The following ANKRD2 variants were observed in gnomAD, a reference collection of about 807,000 sequenced individuals.
ANKRD2 encodes ankyrin repeat domain-containing protein 2.
In ANKRD2, 35 loss-of-function variants were observed where a neutral mutation model predicts 37.3. That is an observed-to-expected ratio of 0.94 (90% CI 0.72 to 1.24). The LOEUF (loss-of-function observed/expected upper bound fraction) is 1.24. ANKRD2 is among the 50% of genes most tolerant of loss of function. ANKRD2 has a pLI of 0.00. For missense variants in ANKRD2, 410 were observed against 445.6 expected (o/e 0.92, Z 0.72); for synonymous variants, 159 against 186.5 (o/e 0.85, Z 1.20).
upstream of ANKRD2, chr10:97,572,594 G>A: frequency 7.5e-7 from 1 of 1,331,632 alleles, no homozygotes. Flanking sequence ...TAGGCCAGGA[G>A]TTGGGGGGGC....
At position 97,580,848 on chromosome 10, in the gene ANKRD2, G is replaced by A. The variant is rs374024705; in HGVS notation, c.457-7G>A. On this transcript the variant is annotated splice_region_variant and splice_polypyrimidine_tract_variant and intron_variant, in intron 4 of 8. Coordinates refer to ENST00000370655, the MANE Select transcript of ANKRD2 (RefSeq NM_001346793.2). ...AGGCCAGGCCCTGACAGCCTCTCTG[G>A]GGACAGTTCCGTCGGACAGCACTGC... 1 of 1,607,950 alleles carries A rather than the reference G, an allele frequency of 6.2e-7. No homozygotes were observed. Among genetic ancestry groups the A allele is most frequent in the Non-Finnish European group, 8.5e-7 (1 of 1,177,318 alleles).
chr10:97,580,938 G>A lies in ANKRD2; in HGVS notation c.540G>A (p.Val180=). 1.3e-6 allele frequency: 2 copies of A among 1,595,402 alleles called. No homozygotes were observed. The highest frequency in any genetic ancestry group is 1.7e-6 in the Non-Finnish European group (2 of 1,171,072). Residue 180 remains valine (V), a synonymous_variant, in exon 5 of 9, where the codon GTG becomes GTA. Transcript: ENST00000370655. The part of the protein sequence containing the change: ...LEKLLDNGAT[V]DFQDRLDCTA... ...AGCTTCTAGATAATGGGGCCACTGTGGACTTCCAGGATCGGGTGAGTGAGA... is the reference window on the plus strand; with the variant it reads ...AGCTTCTAGATAATGGGGCCACTGTAGACTTCCAGGATCGGGTGAGTGAGA...
chr10:97,581,534 G>A, intron 6 of ANKRD2, 120 bp downstream of exon 6: 1 of 998,754 alleles, frequency 1.0e-6, no homozygotes, highest in Middle Eastern at 3.0e-4. Context: ...GTTTCTGGCT[G>A]CAGAGCAGGG....
At chr10:97,577,707 G>A (rs2040841833) in intron 1 of ANKRD2, 93 bp from the exon 2 acceptor site, 3 of 1,037,182 alleles carry the variant, frequency 2.9e-6, no homozygotes, top group African/African-American at 1.6e-5. Flanking sequence ...GACCACCCAG[G>A]AGGATGTCTC....
chr10:97,578,811 A>G (rs2040862220), intron 4 of ANKRD2, among the ~76,000 whole-genome samples: 1 of 152,172 alleles, frequency 6.6e-6, no homozygotes, highest in Non-Finnish European at 1.5e-5. Context: ...AACTTGAATC[A>G]CCTGCAGAGC....
chr10:97,577,778 G>A (rs749082029), intron 1 of ANKRD2, 22 bp from the exon 2 acceptor site: 4 of 1,539,788 alleles, frequency 2.6e-6, no homozygotes, highest in South Asian at 2.4e-5. Flanking sequence ...TCCTGGAGAA[G>A]GTGCCCTCTT....
In ANKRD2 at chr10:97,577,888, T is replaced by C; in HGVS notation, c.176T>C (p.Leu59Pro). The C allele has an allele frequency of 6.4e-7, 1 of 1,563,808 alleles. No individual in the cohort carries two copies. Among genetic ancestry groups the C allele is most frequent in the African/African-American group, 1.3e-5 (1 of 74,294 alleles). The change falls in exon 2 of 9, where the codon CTG becomes CCG. Residue 59 changes from leucine (L) to proline (P), a missense_variant. Leu to Pro is a moderately conservative substitution (Grantham distance 98, BLOSUM62 -3). Transcript: ENST00000370655. ...CACCACGGGGCTCAGAGTGCAGCCCTGCAGAAGGTGAAGGTAAGCCTGGGA... is the reference window on the plus strand; with the variant it reads ...CACCACGGGGCTCAGAGTGCAGCCCCGCAGAAGGTGAAGGTAAGCCTGGGA... ...EKHHGAQSAA[L>P]QKVKGQERVR...
intron 2 of ANKRD2, 64 bp from the exon 3 acceptor site, chr10:97,578,175 AG>A: frequency 8.3e-7 from 1 of 1,206,640 alleles, no homozygotes; most frequent in Middle Eastern, 2.7e-4. Flanking sequence ...AGCTTAGCTC[AG>A]AGGTCTCCCA....
At chr10:97,577,429 G>A (rs1478178603) in intron 1 of ANKRD2, among the ~76,000 whole-genome samples, 2 of 152,134 alleles carry the variant, frequency 1.3e-5, no homozygotes, top group African/African-American at 4.8e-5. Flanking sequence ...ACCACACCCA[G>A]CCAAAGTGAA....
chr10:97,583,263 G>A (rs1411416248), intron 8 of ANKRD2, among the ~76,000 whole-genome samples: 1 of 152,154 alleles, frequency 6.6e-6, no homozygotes, highest in African/African-American at 2.4e-5. Flanking sequence ...AGAAAAGCAG[G>A]AAAATATGGA....
chr10:97,572,868 A>C lies in ANKRD2; in HGVS notation c.80A>C (p.Glu27Ala), dbSNP rs1181887366. The C allele has an allele frequency of 1.3e-6, 2 of 1,552,372 alleles. No homozygotes were observed. The highest frequency in any genetic ancestry group is 2.7e-5 in the African/African-American group (2 of 73,188). Reference protein sequence around the residue: ...LIEQRLAQEEENEKLRGDARQ... With the variant: ...LIEQRLAQEEANEKLRGDARQ... ...GAGCAGCGGCTGGCACAGGAGGAGGAGAATGAGGTGCGAGCAGGGGTGGAG... is the reference window on the plus strand; with the variant it reads ...GAGCAGCGGCTGGCACAGGAGGAGGCGAATGAGGTGCGAGCAGGGGTGGAG... Residue 27 changes from glutamate to alanine, a missense_variant, in exon 1 of 9, where the codon GAG becomes GCG. Transcript: ENST00000370655.
chr10:97,574,745 G>A (rs2040802749), intron 1 of ANKRD2, among the ~76,000 whole-genome samples: 1 of 152,202 alleles, frequency 6.6e-6, no homozygotes, highest in South Asian at 2.1e-4. Context: ...AAGAAGGGAT[G>A]AGGTCAGGAA....
Position 97,572,827 on chromosome 10 carries a change from G to A in ANKRD2, c.39G>A (p.Arg13=). 2 of 1,565,634 alleles carry A rather than the reference G, an allele frequency of 1.3e-6. No homozygotes were observed. Among genetic ancestry groups the A allele is most frequent in the Non-Finnish European group, 1.7e-6 (2 of 1,155,354 alleles). ...TGGAGGACTCCGAGGCGGTGCAGAG[G>A]GCCACAGCGCTCATCGAGCAGCGGC... is the stretch of plus-strand genomic sequence containing the variant. ...GTMEDSEAVQ[R]ATALIEQRLA... is the part of the protein sequence containing the mutation. The change falls in exon 1 of 9, where the codon AGG becomes AGA. Residue 13 remains arginine, a synonymous_variant. Transcript: ENST00000370655.
chr10:97,572,846 C>T lies in ANKRD2; in HGVS notation c.58C>T (p.Gln20Ter), dbSNP rs909361465. 2.6e-6 allele frequency: 4 copies of T among 1,556,280 alleles called. No homozygotes were observed. The African/African-American group carries it at 5.4e-5, about 21-fold the overall frequency. Residue 20 changes from glutamine (Q) to a stop codon, truncating the protein, a stop_gained, in exon 1 of 9, where the codon CAG becomes TAG. Coordinates refer to ENST00000370655, the MANE Select transcript of ANKRD2 (RefSeq NM_001346793.2). LOFTEE classifies it high-confidence loss of function. ...AVQRATALIE[Q>*]RLAQEEENEK... ...GCAGAGGGCCACAGCGCTCATCGAG[C>T]AGCGGCTGGCACAGGAGGAGGAGAA...
intron 2 of ANKRD2, 95 bp from the exon 3 acceptor site, chr10:97,578,145 C>CG: frequency 2.7e-6 from 1 of 376,492 alleles, no homozygotes; most frequent in Non-Finnish European, 5.2e-6. Flanking sequence ...GGTCTTCCTG[C>CG]CCACCCCACC....
rs766215455 is a variant in ANKRD2, at chr10:97,581,321, C to A, written c.561C>A (p.Asp187Glu). ...ACCCCCTCATTTCTTTCTAGCTGGA[C>A]TGCACAGCCATGCATTGGGCCTGCC... is the stretch of plus-strand genomic sequence containing the variant. ...GATVDFQDRL[D>E]CTAMHWACRG... The change falls in exon 6 of 9, where the codon GAC becomes GAA. Residue 187 changes from aspartate to glutamate, a missense_variant. Asp to Glu is a conservative substitution (Grantham distance 45). Transcript: ENST00000370655. 8.1e-6 allele frequency: 13 copies of A among 1,613,980 alleles called. No homozygotes were observed. Among genetic ancestry groups the A allele is most frequent in the Non-Finnish European group, 9.3e-6 (11 of 1,179,902 alleles).
At chr10:97,582,272 T>C (rs747686350) in intron 6 of ANKRD2, 43 bp from the exon 7 acceptor site, 59 of 1,514,414 alleles carry the variant, frequency 3.9e-5, no homozygotes, top group Non-Finnish European at 4.8e-5. Context: ...GGTACCACAG[T>C]TCAGGCCCCG....
chr10:97,572,986 C>T (rs2135696055), intron 1 of ANKRD2, 111 bp downstream of exon 1: 7 of 1,383,356 alleles, frequency 5.1e-6, no homozygotes, highest in Non-Finnish European at 5.8e-6. Context: ...GGCAGATGTC[C>T]CCAGGGGCCC....
chr10:97,574,158 C>G (rs775587278), intron 1 of ANKRD2, among the ~76,000 whole-genome samples: 1 of 152,194 alleles, frequency 6.6e-6, no homozygotes, highest in Non-Finnish European at 1.5e-5. Context: ...TGTCAGGCAC[C>G]TGTAATCCCA....
Sources: gnomAD v4.1 joint callset for allele counts (sites outside exome capture counted in the v4.1 genomes callset) on GRCh38, gnomAD v4.1.1 for gene constraint, MANE v1.5 for transcripts, NCBI Gene and HGNC (gene_info 2026-07-23, HGNC 2026-07-21) for gene names.